Variants in SIPA1L2 observed in about 807,000 individuals in gnomAD.
SIPA1L2 encodes signal-induced proliferation-associated 1-like protein 2.
In SIPA1L2, 56 loss-of-function variants were observed where a neutral mutation model predicts 163.9. The ratio of observed to expected loss-of-function variants is 0.34; its 90% CI spans 0.28 to 0.43. SIPA1L2 has a LOEUF of 0.43. Ranked by LOEUF, SIPA1L2 falls within the 20% of genes least tolerant of loss-of-function variation. SIPA1L2 has a pLI of 1.00. For synonymous variants in SIPA1L2, 877 were observed against 865.7 expected, an observed-to-expected ratio of 1.01 and a Z score of -0.23; for missense variants, 1,974 against 2,193.5, an observed-to-expected ratio of 0.90 and a Z score of 2.00.
chr1:232,462,621 A>G (rs1215475444), intron 9 of SIPA1L2, among the ~76,000 whole-genome samples: 2 of 152,252 alleles, frequency 1.3e-5, no homozygotes, highest in South Asian at 4.1e-4. Flanking sequence ...GAACTGAAGT[A>G]ACTAAAACTT....
At chr1:232,528,040 C>G (rs1004561546) in intron 2 of SIPA1L2, among the ~76,000 whole-genome samples, 2 of 144,086 alleles carry the variant, frequency 1.4e-5, no homozygotes, top group South Asian at 4.4e-4. Flanking sequence ...GAACACCCAA[C>G]AGTGAAAACT....
intron 1 of SIPA1L2, among the ~76,000 whole-genome samples, chr1:232,597,811 A>C (rs1054822981): frequency 2.0e-5 from 3 of 151,782 alleles, no homozygotes; most frequent in African/African-American, 7.3e-5. Context: ...GACAGTGGAG[A>C]CCTGAGCAAT....
intron 8 of SIPA1L2, among the ~76,000 whole-genome samples, chr1:232,467,354 G>C (rs1664576346): frequency 6.6e-6 from 1 of 152,074 alleles, no homozygotes; most frequent in South Asian, 2.1e-4. Context: ...ATGAAGGAAA[G>C]GTCCTTAAAA....
At chr1:232,456,563 A>C (rs1414601918) in intron 10 of SIPA1L2, among the ~76,000 whole-genome samples, 1 of 152,218 alleles carries the variant, frequency 6.6e-6, no homozygotes, top group East Asian at 1.9e-4. Context: ...ATATTTACTA[A>C]ATTCACTCAC....
rs778961016 is a variant in SIPA1L2, at chr1:232,425,670, T to C, written c.4549A>G (p.Ile1517Val). Reference protein sequence around the residue: ...SVLDQALPNDILFSTTPPYHS... With the variant: ...SVLDQALPNDVLFSTTPPYHS... ...TAGGGTGGGGTGGTGCTGAACAGAA[T>C]GTCGTTGGGCAGGGCCTGGTCAAGC... The change falls in exon 18 of 23, where the codon ATT becomes GTT. Residue 1517 changes from isoleucine (I) to valine (V), a missense_variant. By Grantham distance (29) the Ile-to-Val change is conservative. Transcript: ENST00000674635. The C allele has an allele frequency of 6.2e-7, 1 of 1,613,662 alleles. No homozygotes were observed. The highest frequency in any genetic ancestry group is 1.1e-5 in the South Asian group (1 of 90,922).
intron 2 of SIPA1L2, among the ~76,000 whole-genome samples, chr1:232,552,136 G>A (rs1197335870): frequency 1.3e-5 from 2 of 152,208 alleles, no homozygotes; most frequent in South Asian, 2.1e-4. Context: ...CACCACACCC[G>A]GCTGAGAATA....
chr1:232,529,518 C>A (rs1045774783), intron 2 of SIPA1L2, among the ~76,000 whole-genome samples: 1 of 152,182 alleles, frequency 6.6e-6, no homozygotes, highest in African/African-American at 2.4e-5. Context: ...GGTAAAACAC[C>A]CTTGAGGAGC....
chr1:232,621,404 C>T (rs531478775), intron 1 of SIPA1L2, among the ~76,000 whole-genome samples: 1 of 152,208 alleles, frequency 6.6e-6, no homozygotes, highest in Admixed American at 6.5e-5. Flanking sequence ...TCATTCTTTC[C>T]TTTCATCATG....
chr1:232,594,963 A>C (rs140676183), intron 1 of SIPA1L2, among the ~76,000 whole-genome samples: 195 of 152,296 alleles, frequency 1.3e-3, no homozygotes, highest in African/African-American at 4.7e-3. Context: ...GGGCCCAGGC[A>C]TCTGTTTTTG....
At chr1:232,599,480 T>C (rs1404635860) in intron 1 of SIPA1L2, among the ~76,000 whole-genome samples, 1 of 152,228 alleles carries the variant, frequency 6.6e-6, no homozygotes, top group Non-Finnish European at 1.5e-5. Flanking sequence ...TTGCATCATC[T>C]TCTGTACGCT....
At chr1:232,506,174 A>G (rs951411365) in intron 3 of SIPA1L2, among the ~76,000 whole-genome samples, 3 of 152,180 alleles carry the variant, frequency 2.0e-5, no homozygotes, top group African/African-American at 7.2e-5. Flanking sequence ...CCACTAAAAG[A>G]AAGTATTGCC....
intron 1 of SIPA1L2, among the ~76,000 whole-genome samples, chr1:232,620,688 T>C (rs531176069): frequency 1.3e-5 from 2 of 152,362 alleles, no homozygotes; most frequent in South Asian, 2.1e-4. Flanking sequence ...GTTACTGCAA[T>C]GATTGCGTCA....
chr1:232,407,086 G>T (rs1660681517), intron 19 of SIPA1L2, among the ~76,000 whole-genome samples: 1 of 152,198 alleles, frequency 6.6e-6, no homozygotes, highest in Non-Finnish European at 1.5e-5. Flanking sequence ...CATGTAAAAA[G>T]ATAATGGTCT....
At chr1:232,520,787 C>G (rs1667427529) in intron 2 of SIPA1L2, among the ~76,000 whole-genome samples, 1 of 152,162 alleles carries the variant, frequency 6.6e-6, no homozygotes, top group South Asian at 2.1e-4. Flanking sequence ...CTTTTACCCT[C>G]TCTCTGTGGC....
At chr1:232,441,550 C>T (rs1170907817) in intron 13 of SIPA1L2, among the ~76,000 whole-genome samples, 156 bp from the exon 14 acceptor site, 1 of 152,178 alleles carries the variant, frequency 6.6e-6, no homozygotes, top group African/African-American at 2.4e-5. Flanking sequence ...CAAAAGTATA[C>T]AGAACCACCA....
intron 15 of SIPA1L2, among the ~76,000 whole-genome samples, chr1:232,432,913 C>T (rs1370907153): frequency 6.6e-6 from 1 of 152,170 alleles, no homozygotes; most frequent in East Asian, 1.9e-4. Flanking sequence ...TACCCAGTGA[C>T]CCAGTGTTAG....
intron 2 of SIPA1L2, among the ~76,000 whole-genome samples, chr1:232,546,710 A>G (rs1378605937): frequency 6.6e-6 from 1 of 152,234 alleles, no homozygotes; most frequent in East Asian, 1.9e-4. Context: ...ATTCTGGAAT[A>G]CAACAGCTCA....
intron 2 of SIPA1L2, among the ~76,000 whole-genome samples, chr1:232,549,073 G>A (rs1381968326): frequency 2.6e-5 from 4 of 152,180 alleles, no homozygotes; most frequent in African/African-American, 9.7e-5. Flanking sequence ...TACTGGTCAG[G>A]ATTTGCACAC....
chr1:232,399,327 C>T (rs1660194226), intron 22 of SIPA1L2, 54 bp from the exon 23 acceptor site: 1 of 1,566,244 alleles, frequency 6.4e-7, no homozygotes, highest in Non-Finnish European at 8.7e-7. Flanking sequence ...ACATTCATTC[C>T]TCCTAAGCTG....
Sources: gnomAD v4.1 joint callset for allele counts (sites outside exome capture counted in the v4.1 genomes callset) on GRCh38, gnomAD v4.1.1 for gene constraint, MANE v1.5 for transcripts, NCBI Gene and HGNC (gene_info 2026-07-23, HGNC 2026-07-21) for gene names.